IL1RAPL1: variants seen among roughly 807,000 people sequenced by gnomAD.
IL1RAPL1 encodes interleukin 1 receptor accessory protein like 1.
Under a neutral mutation model 48.4 loss-of-function variants are expected in IL1RAPL1, and 3 were observed. The observed-to-expected ratio is 0.06, with a 90% confidence interval of 0.03 to 0.16. IL1RAPL1 has a LOEUF of 0.16. Among genes scored for constraint, IL1RAPL1 ranks in the 10% least tolerant of loss-of-function variants. IL1RAPL1 has a pLI of 1.00. For synonymous variants in IL1RAPL1, 185 were observed against 187.7 expected, an observed-to-expected ratio of 0.99 and a Z score of 0.12; for missense variants, 349 against 530.6, an observed-to-expected ratio of 0.66 and a Z score of 3.36.
chrX:29,839,502 G>T (rs1931088475), intron 6 of IL1RAPL1, among the ~76,000 whole-genome samples: 1 of 112,494 alleles, frequency 8.9e-6, no homozygotes. Context: ...ATATTAATCT[G>T]CTGAAGCTAT....
At chrX:28,861,219 AAC>A (rs932262617) in intron 2 of IL1RAPL1, among the ~76,000 whole-genome samples, 1 of 111,810 alleles carries the variant, frequency 8.9e-6, no homozygotes, top group Non-Finnish European at 1.9e-5. Context: ...GTCTTTCTTC[AAC>A]ATAAAAAGTG....
intron 3 of IL1RAPL1, among the ~76,000 whole-genome samples, chrX:29,385,019 AT>A (rs58466665): frequency 9.0e-6 from 1 of 110,755 alleles, no homozygotes; most frequent in African/African-American, 3.3e-5. Context: ...TACCATTCTA[AT>A]TTTTTTTAAC....
intron 2 of IL1RAPL1, among the ~76,000 whole-genome samples, chrX:29,014,476 T>A (rs1359518977): frequency 4.5e-5 from 5 of 111,658 alleles, no homozygotes; most frequent in Non-Finnish European, 9.4e-5. Flanking sequence ...CTGCATCCTA[T>A]TGGGGGAGGC....
intron 2 of IL1RAPL1, among the ~76,000 whole-genome samples, chrX:29,030,726 A>G (rs961100823): frequency 1.8e-5 from 2 of 111,411 alleles, no homozygotes; most frequent in African/African-American, 6.5e-5. Context: ...GTGTAATGAT[A>G]GTTCTATTGA....
intron 1 of IL1RAPL1, among the ~76,000 whole-genome samples, chrX:28,741,315 T>C (rs1282123227): frequency 1.8e-5 from 2 of 112,180 alleles, no homozygotes; most frequent in Non-Finnish European, 3.8e-5. Context: ...TTTTTTCATA[T>C]GCTTGTTGGC....
intron 9 of IL1RAPL1, among the ~76,000 whole-genome samples, chrX:29,944,148 C>T (rs2147252927): frequency 8.9e-6 from 1 of 111,898 alleles, no homozygotes; most frequent in African/African-American, 3.2e-5. Context: ...AGATAACAAA[C>T]TTAACTGTCA....
intron 5 of IL1RAPL1, among the ~76,000 whole-genome samples, chrX:29,532,073 A>T (rs182610882): frequency 1.3e-4 from 15 of 112,027 alleles, no homozygotes; most frequent in Non-Finnish European, 2.4e-4. Flanking sequence ...ATAGATAATT[A>T]CAGTCTAAGC....
chrX:29,134,051 A>G (rs190177836), intron 2 of IL1RAPL1, among the ~76,000 whole-genome samples: 1 of 112,062 alleles, frequency 8.9e-6, no homozygotes, highest in East Asian at 2.8e-4. Context: ...ATAATATTCC[A>G]TGGTAAGGAC....
intron 2 of IL1RAPL1, among the ~76,000 whole-genome samples, chrX:28,876,180 G>C (rs968692168): frequency 9.0e-6 from 1 of 111,639 alleles, no homozygotes; most frequent in African/African-American, 3.3e-5. Flanking sequence ...AATGGACTAA[G>C]ACGGGACATG....
At chrX:28,992,802 A>G (rs1925641769) in intron 2 of IL1RAPL1, among the ~76,000 whole-genome samples, 1 of 112,157 alleles carries the variant, frequency 8.9e-6, no homozygotes, top group Non-Finnish European at 1.9e-5. Flanking sequence ...TAAAAAGTAA[A>G]TCAGGGAAAC....
intron 2 of IL1RAPL1, among the ~76,000 whole-genome samples, chrX:29,128,021 A>T (rs763706705): frequency 6.3e-5 from 7 of 110,554 alleles, no homozygotes; most frequent in Non-Finnish European, 9.5e-5. Flanking sequence ...AACCCCCATG[A>T]AGATTGTTTC....
At position 28,960,267 on chromosome X, in the gene IL1RAPL1, G is replaced by A. The variant is rs370799497; in HGVS notation, c.82+170842G>A. ...CTGAATATAACTTCATTATCATGAC[G>A]TCATGATAAGTTCAAAAAGCATTAG... On this transcript the variant is annotated intron_variant, in intron 2 of 10. Transcript: ENST00000378993. Among the ~76,000 whole-genome samples, 5 of 111,099 alleles carry A rather than the reference G, an allele frequency of 4.5e-5. No homozygotes were observed. The East Asian group carries it at 8.5e-4, about 19-fold the overall frequency.
chrX:29,791,429 T>C (rs1245430066), intron 6 of IL1RAPL1, among the ~76,000 whole-genome samples: 1 of 106,322 alleles, frequency 9.4e-6, no homozygotes, highest in Non-Finnish European at 1.9e-5. Context: ...CTTTTTATCT[T>C]TTTTTTTTTT....
chrX:29,943,598 C>T (rs1933170116), intron 9 of IL1RAPL1, among the ~76,000 whole-genome samples: 1 of 111,997 alleles, frequency 8.9e-6, no homozygotes, highest in Non-Finnish European at 1.9e-5. Flanking sequence ...GCACAATTAG[C>T]ACAGTACATG....
In IL1RAPL1 at chrX:29,750,833, T is replaced by C. The variant is rs183807331; in HGVS notation, c.778+82329T>C. ...AGTCTAGCTGATGTAATTATAGCCA[T>C]GGAACGAAACATATGTGCCTGCCAT... On this transcript the variant is annotated intron_variant, in intron 6 of 10. Coordinates refer to ENST00000378993, the MANE Select transcript of IL1RAPL1 (RefSeq NM_014271.4). Among the ~76,000 whole-genome samples the C allele has an allele frequency of 3.6e-5, 4 of 111,430 alleles. No homozygotes were observed. The Admixed American group carries it at 3.8e-4, about 11-fold the overall frequency.
chrX:28,649,772 C>G (rs917017079), intron 1 of IL1RAPL1, among the ~76,000 whole-genome samples: 1 of 112,125 alleles, frequency 8.9e-6, no homozygotes, highest in African/African-American at 3.2e-5. Context: ...GGGAGAAGCA[C>G]AGATGAAGGC....
At chrX:29,613,614 TATAAATGATAG>T (rs1924161960) in intron 5 of IL1RAPL1, among the ~76,000 whole-genome samples, 1 of 110,572 alleles carries the variant, frequency 9.0e-6, no homozygotes, top group Non-Finnish European at 1.9e-5. Context: ...AACAGTTTGC[TATAAATGATAG>T]ATAAATGATA....
At chrX:28,619,653 G>A (rs1174144129) in intron 1 of IL1RAPL1, among the ~76,000 whole-genome samples, 2 of 107,782 alleles carry the variant, frequency 1.9e-5, no homozygotes, top group African/African-American at 6.8e-5. Context: ...TAACTGAGTT[G>A]TGCCGCACAA....
intron 2 of IL1RAPL1, among the ~76,000 whole-genome samples, chrX:29,119,104 T>C (rs1928731179): frequency 9.0e-6 from 1 of 111,036 alleles, no homozygotes; most frequent in Admixed American, 9.7e-5. Flanking sequence ...ATATATGTTC[T>C]CATAAATATA....
Sources: gnomAD v4.1 joint callset for allele counts (sites outside exome capture counted in the v4.1 genomes callset) on GRCh38, gnomAD v4.1.1 for gene constraint, MANE v1.5 for transcripts, NCBI Gene and HGNC (gene_info 2026-07-23, HGNC 2026-07-21) for gene names.